Variants in PDE10A observed in about 807,000 individuals in gnomAD.
PDE10A encodes the protein phosphodiesterase 10A.
A neutral mutation model predicts 97.7 loss-of-function variants in PDE10A; 39 were observed. That is an observed-to-expected ratio of 0.40 (90% CI 0.31 to 0.52). PDE10A has a LOEUF of 0.52. Among genes scored for constraint, PDE10A ranks in the 20% least tolerant of loss-of-function variants. The probability of loss-of-function intolerance (pLI) is 0.56; values close to 1 mark genes in which losing one functional copy is unlikely to be tolerated. For missense variants in PDE10A, 731 were observed against 1,047.8 expected (o/e 0.70, Z 4.17); for synonymous variants, 371 against 376.8 (o/e 0.98, Z 0.18).
intron 1 of PDE10A, among the ~76,000 whole-genome samples, chr6:165,875,789 C>A (rs182545046): frequency 7.4e-6 from 1 of 134,394 alleles, no homozygotes; most frequent in East Asian, 2.2e-4. Flanking sequence ...GATATTTAAT[C>A]CTACCAGATG....
At chr6:165,386,831 G>T (rs58467288) in intron 17 of PDE10A, among the ~76,000 whole-genome samples, 30,556 of 145,632 alleles carry the variant, frequency 0.21, 4,108 homozygotes, top group African/African-American at 0.38. Flanking sequence ...TGAAACCCCA[G>T]CTCTACTAAA....
intron 17 of PDE10A, among the ~76,000 whole-genome samples, chr6:165,382,823 T>C (rs1047739859): frequency 2.2e-4 from 33 of 152,058 alleles, no homozygotes; most frequent in African/African-American, 7.5e-4. Flanking sequence ...AAAAAACAAA[T>C]ATATGCCTAA....
intron 17 of PDE10A, among the ~76,000 whole-genome samples, chr6:165,384,655 T>G (rs1019216108): frequency 2.0e-5 from 1 of 51,112 alleles, no homozygotes; most frequent in African/African-American, 1.2e-4. Context: ...TGTGTGTGTG[T>G]GTGTGTGTGT....
intron 13 of PDE10A, among the ~76,000 whole-genome samples, chr6:165,403,912 C>T (rs1034469543): frequency 6.6e-6 from 1 of 152,144 alleles, no homozygotes; most frequent in African/African-American, 2.4e-5. Context: ...GATTTCATTC[C>T]TTTTTACGGC....
chr6:165,544,641 T>C (rs1783642547), intron 1 of PDE10A, among the ~76,000 whole-genome samples: 1 of 151,822 alleles, frequency 6.6e-6, no homozygotes, highest in Non-Finnish European at 1.5e-5. Flanking sequence ...AAGCATATCT[T>C]TATGACTCCA....
intron 1 of PDE10A, among the ~76,000 whole-genome samples, chr6:165,698,685 A>G (rs1316282783): frequency 2.6e-5 from 4 of 152,130 alleles, no homozygotes; most frequent in African/African-American, 4.8e-5. Flanking sequence ...CCCCATCTCT[A>G]CTAAAAATAC....
At chr6:165,946,684 T>G (rs969255387) in intron 1 of PDE10A, 3 of 152,138 alleles carry the variant, frequency 2.0e-5, no homozygotes, top group African/African-American at 7.2e-5. Context: ...TTGCACATAA[T>G]AAATACATAA....
chr6:165,624,811 A>C (rs1788305255), intron 1 of PDE10A, among the ~76,000 whole-genome samples: 1 of 152,236 alleles, frequency 6.6e-6, no homozygotes, highest in Non-Finnish European at 1.5e-5. Context: ...CATGATCATA[A>C]GTGTTTTGAA....
intron 13 of PDE10A, among the ~76,000 whole-genome samples, chr6:165,410,271 C>T (rs987096842): frequency 3.3e-5 from 5 of 152,192 alleles, no homozygotes; most frequent in Middle Eastern, 3.4e-3. Flanking sequence ...ACTGATAGCT[C>T]ATTAAAATAA....
intron 1 of PDE10A, among the ~76,000 whole-genome samples, chr6:165,969,839 A>C (rs1388218887): frequency 6.6e-6 from 1 of 152,234 alleles, no homozygotes; most frequent in African/African-American, 2.4e-5. Context: ...GGAAACCATA[A>C]GTCCATACTC....
chr6:165,422,376 C>T (rs975316511), intron 10 of PDE10A, among the ~76,000 whole-genome samples: 2 of 145,932 alleles, frequency 1.4e-5, no homozygotes, highest in African/African-American at 5.5e-5. Context: ...TATACACACA[C>T]AGGCATACAC....
At chr6:165,710,101 G>A (rs1043035668) in intron 1 of PDE10A, among the ~76,000 whole-genome samples, 4 of 151,964 alleles carry the variant, frequency 2.6e-5, no homozygotes, top group Non-Finnish European at 5.9e-5. Context: ...ACGCTCACTC[G>A]AATCTTCACG....
chr6:165,482,329 T>C lies in PDE10A; in HGVS notation c.1009A>G (p.Lys337Glu). 1 of 1,601,088 alleles carries C rather than the reference T, an allele frequency of 6.2e-7. No individual in the cohort carries two copies. Reference sequence around the variant, plus strand: ...ACATCACTTACCCTGCTGACTTCCTTAGGAGCTGATTCATCTGGGGATAGA... The same window carrying C: ...ACATCACTTACCCTGCTGACTTCCTCAGGAGCTGATTCATCTGGGGATAGA... ...NNKSEDESAP[K>E]EVSRYQDTNM... Residue 337 changes from lysine to glutamate, a missense_variant, in exon 3 of 22, where the codon AAG (lysine) becomes GAG (glutamate). Physicochemically the swap from Lys to Glu is moderately conservative, Grantham distance 56. Coordinates refer to ENST00000539869, the MANE Select transcript of PDE10A (RefSeq NM_001385079.1).
chr6:165,496,810 T>G (rs1780563775), intron 2 of PDE10A, among the ~76,000 whole-genome samples: 1 of 152,252 alleles, frequency 6.6e-6, no homozygotes. Flanking sequence ...TCGCTACTTT[T>G]AACCAGAGGT....
intron 1 of PDE10A, among the ~76,000 whole-genome samples, chr6:165,833,732 T>C (rs932028660): frequency 3.9e-5 from 6 of 152,208 alleles, no homozygotes; most frequent in Admixed American, 1.3e-4. Flanking sequence ...CACACCTGGA[T>C]TGGCAATGGC....
chr6:165,650,997 A>C (rs527338066), intron 1 of PDE10A, among the ~76,000 whole-genome samples: 32 of 152,304 alleles, frequency 2.1e-4, no homozygotes, highest in African/African-American at 7.5e-4. Flanking sequence ...CGGCCTCCCA[A>C]AGTGCTGGGA....
chr6:165,849,523 T>C (rs1398089173), intron 1 of PDE10A, among the ~76,000 whole-genome samples: 1 of 152,276 alleles, frequency 6.6e-6, no homozygotes, highest in Non-Finnish European at 1.5e-5. Flanking sequence ...TCCTGACATA[T>C]GTGGGTCTCC....
intron 1 of PDE10A, among the ~76,000 whole-genome samples, chr6:165,974,990 C>T (rs1394551777): frequency 3.3e-5 from 5 of 152,132 alleles, no homozygotes; most frequent in South Asian, 2.1e-4. Flanking sequence ...TTCCTGGCTG[C>T]GCAGGGATTG....
chr6:165,872,986 T>C (rs1308764297), intron 1 of PDE10A, among the ~76,000 whole-genome samples: 1 of 152,224 alleles, frequency 6.6e-6, no homozygotes, highest in African/African-American at 2.4e-5. Flanking sequence ...CTATGCTTGC[T>C]GAGGGTAACG....
Sources: allele counts gnomAD v4.1 joint callset (sites outside exome capture counted in the v4.1 genomes callset), GRCh38; gene constraint gnomAD v4.1.1; transcripts MANE v1.5; gene names NCBI Gene and HGNC (gene_info 2026-07-23, HGNC 2026-07-21).